The following UBN1 variants were observed in gnomAD, a reference collection of about 807,000 sequenced individuals.
UBN1 encodes ubinuclein 1, also known as ubinuclein-1.
In UBN1, 17 loss-of-function variants were observed where a neutral mutation model predicts 108.5. That is an observed-to-expected ratio of 0.16 (90% CI 0.11 to 0.24). UBN1 has a LOEUF of 0.24. Ranked by LOEUF, UBN1 falls within the 10% of genes least tolerant of loss-of-function variation. The probability of loss-of-function intolerance (pLI) is 1.00; values close to 1 mark genes in which losing one functional copy is unlikely to be tolerated. For missense variants in UBN1, 1,595 were observed against 1,394.4 expected, an observed-to-expected ratio of 1.14 and a Z score of -2.29; for synonymous variants, 726 against 564.2, an observed-to-expected ratio of 1.29 and a Z score of -4.07.
intron 1 of UBN1, among the ~76,000 whole-genome samples, chr16:4,851,614 C>T (rs1392897250): frequency 1.3e-5 from 2 of 151,940 alleles, no homozygotes; most frequent in Non-Finnish European, 2.9e-5. Context: ...AGGTTGTGAG[C>T]TTAAGACCAG....
Position 4,877,812 on chromosome 16 carries a change from AAGG to A in UBN1, c.3355+339_3355+341del. 1 of 1,040,318 alleles carries A rather than the reference AAGG, an allele frequency of 9.6e-7. No individual in the cohort carries two copies. 64.4% of individuals were successfully genotyped at this position (1,040,318 alleles called of 1,614,324 possible). On this transcript the variant is annotated intron_variant, in intron 17 of 17. Coordinates refer to ENST00000262376, the MANE Select transcript of UBN1 (RefSeq NM_001079514.3). This position sits in a 1 kb window ranked among gnomAD's most constrained non-coding sequence, Gnocchi z 4.3. ...TCTCTTCAGTTTAAAAAAAAAAAAA[AAGG>A]GAAGGTAATGGTGCATCTTCTCCAA...
In UBN1 at chr16:4,879,197, T is replaced by C. The variant is rs563809225; in HGVS notation, c.3356-886T>C. Among the ~76,000 whole-genome samples the C allele has an allele frequency of 3.9e-4, 60 of 152,294 alleles. 1 individual carries two copies. Among genetic ancestry groups the C allele is most frequent in the African/African-American group, 1.3e-3 (56 of 41,556 alleles). ...AGGAGATGAAAAACGTTTGAGATGA[T>C]GGATATGCTAATAACTCTAACGTGA... is the stretch of plus-strand genomic sequence containing the variant. On this transcript the variant is annotated intron_variant, in intron 17 of 17. Coordinates refer to ENST00000262376, the MANE Select transcript of UBN1 (RefSeq NM_001079514.3).
intron 7 of UBN1, among the ~76,000 whole-genome samples, 169 bp from the exon 8 acceptor site, chr16:4,868,664 A>G (rs2087454075): frequency 1.3e-5 from 2 of 152,218 alleles, no homozygotes; most frequent in African/African-American, 4.8e-5. Flanking sequence ...AAAAGAGAAT[A>G]TTGATCGCAG....
In UBN1 at chr16:4,877,392, G is replaced by T; in HGVS notation, c.3273G>T (p.Leu1091=). 6.2e-7 allele frequency: 1 copy of T among 1,610,980 alleles called. No individual in the cohort carries two copies. The highest frequency in any genetic ancestry group is 8.5e-7 in the Non-Finnish European group (1 of 1,178,364). ...SFHHGLGHSL[L]AGLHSSPPHA... ...CCTCCTGTTTTCTCTCAGGTCTTCTGGCTGGCTTGCACTCCAGCCCGCCCC... is the reference window on the plus strand; with the variant it reads ...CCTCCTGTTTTCTCTCAGGTCTTCTTGCTGGCTTGCACTCCAGCCCGCCCC... Residue 1091 remains leucine (L), a synonymous_variant, in exon 17 of 18, where the codon CTG becomes CTT. Coordinates refer to ENST00000262376, the MANE Select transcript of UBN1 (RefSeq NM_001079514.3). The surrounding 1 kb of genome is among the most constrained non-coding windows in gnomAD (Gnocchi z 4.3).
intron 1 of UBN1, among the ~76,000 whole-genome samples, chr16:4,851,902 A>T (rs569176717): frequency 6.6e-6 from 1 of 152,348 alleles, no homozygotes; most frequent in Admixed American, 6.5e-5. Context: ...CAAAACAAGA[A>T]GAAGTACTTA....
At chr16:4,858,953 C>T in intron 4 of UBN1, 72 bp from the exon 5 acceptor site, 4 of 1,568,582 alleles carry the variant, frequency 2.6e-6, no homozygotes, top group South Asian at 1.2e-5. Context: ...TCACATCTCT[C>T]TCGAGACCCA....
Position 4,858,576 on chromosome 16 carries a change from G to A in UBN1, c.345G>A (p.Lys115=), listed in dbSNP as rs990169752. Residue 115 remains lysine (K), a synonymous_variant, in exon 4 of 18, where the codon AAG becomes AAA. Coordinates refer to ENST00000262376, the MANE Select transcript of UBN1 (RefSeq NM_001079514.3). ...TTGCTTTCACATTTTAGGGTGGAAA[G>A]AAACGTAGAAAAGACCGAATACAGG... ...ARKFEEKYGG[K]KRRKDRIQDL... 1.9e-6 allele frequency: 3 copies of A among 1,613,972 alleles called. No homozygotes were observed. In the African/African-American group the frequency reaches 4.0e-5, roughly 22 times the overall value.
At chr16:4,859,259 A>G (rs2086944937) in intron 5 of UBN1, 100 bp downstream of exon 5, 9 of 1,503,576 alleles carry the variant, frequency 6.0e-6, no homozygotes, top group Non-Finnish European at 1.8e-6. Flanking sequence ...TGGCCGGCTC[A>G]GGAGGATGGT....
chr16:4,870,826 A>G lies in UBN1; in HGVS notation c.1431-18A>G. 3.1e-6 allele frequency: 5 copies of G among 1,613,318 alleles called. No homozygotes were observed. Among genetic ancestry groups the G allele is most frequent in the Non-Finnish European group, 3.4e-6 (4 of 1,179,648 alleles). On this transcript the variant is annotated intron_variant, in intron 10 of 17. Coordinates refer to ENST00000262376, the MANE Select transcript of UBN1 (RefSeq NM_001079514.3). ...CAGGAGCACCTTGGGGCCCCATGTA[A>G]TTCTATTCACCCCGTAGGATGCTGG...
rs1425148703 is a variant in UBN1 at position 4,874,739 on chromosome 16, C to T, written c.2329C>T (p.His777Tyr). Residue 777 changes from histidine (H) to tyrosine (Y), a missense_variant, in exon 15 of 18, where the codon CAT becomes TAT. His to Tyr is a moderately conservative substitution (Grantham distance 83). Coordinates refer to ENST00000262376, the MANE Select transcript of UBN1 (RefSeq NM_001079514.3). ...APLNKGLPEVHQSKAKHHSLP... is the reference protein window; with the variant it reads ...APLNKGLPEVYQSKAKHHSLP... The stretch of plus-strand genomic sequence containing the variant: ...CCTCAATAAGGGCCTGCCAGAAGTA[C>T]ATCAGTCCAAAGCTAAGCACCACAG... The T allele has an allele frequency of 2.5e-6, 4 of 1,614,086 alleles. No individual in the cohort carries two copies. The highest frequency in any genetic ancestry group is 3.4e-6 in the Non-Finnish European group (4 of 1,180,024).
rs545870732 is a variant in UBN1 at position 4,858,958 on chromosome 16, G to A, written c.433-67G>A. On this transcript the variant is annotated intron_variant, in intron 4 of 17. Transcript: ENST00000262376. ...AGGAGCACAGTCACATCTCTCTCGA[G>A]ACCCACTTTGCACCTTCGGACTGCA... The A allele has an allele frequency of 5.7e-6, 9 of 1,577,730 alleles. No homozygotes were observed. In the African/African-American group the frequency reaches 1.2e-4, roughly 21 times the overall value.
rs2088084080 is a variant in UBN1 at position 4,881,846 on chromosome 16, C to T, written c.*1714C>T. On this transcript the variant is annotated 3_prime_UTR_variant, in exon 18 of 18. Coordinates refer to ENST00000262376, the MANE Select transcript of UBN1 (RefSeq NM_001079514.3). ...AGATTTGTATTGCTGAGCTCAAAGC[C>T]AAGCAGAGGCCGGCAGTGGAGGCTG... 6.6e-6 allele frequency: 1 copy of T among 152,206 alleles called. No individual in the cohort carries two copies. Among genetic ancestry groups the T allele is most frequent in the African/African-American group, 2.4e-5 (1 of 41,288 alleles). The allele number at this position is 152,206 out of a possible 1,614,324, so 9.4% of individuals were successfully genotyped here.
In UBN1 at chr16:4,877,011, G is replaced by A; in HGVS notation, c.3165G>A (p.Val1055=). The change falls in exon 16 of 18, where the codon GTG becomes GTA. Residue 1055 remains valine, a synonymous_variant. Transcript: ENST00000262376. The surrounding 1 kb of genome is among the most constrained non-coding windows in gnomAD (Gnocchi z 4.3). ...CCCCTGTCCCTATTCCTGTCCATGTGCTCTCCTTCAGCGCTGACTCCTCTG... is the reference window on the plus strand; with the variant it reads ...CCCCTGTCCCTATTCCTGTCCATGTACTCTCCTTCAGCGCTGACTCCTCTG... ...IITPVPIPVH[V]LSFSADSSAK... 6.2e-7 allele frequency: 1 copy of A among 1,614,192 alleles called. No homozygotes were observed. Among genetic ancestry groups the A allele is most frequent in the Non-Finnish European group, 8.5e-7 (1 of 1,180,026 alleles).
rs1336991423 is a variant in UBN1, at chr16:4,847,492, C to T, written c.-758C>T. On this transcript the variant is annotated 5_prime_UTR_variant, in exon 1 of 18. Transcript: ENST00000262376. Reference sequence around the variant, plus strand: ...GCGCAGAGACTCCCGGCTCCTTCCCCCTCCCTTCGGCTCGTGACAACGAAG... The same window carrying T: ...GCGCAGAGACTCCCGGCTCCTTCCCTCTCCCTTCGGCTCGTGACAACGAAG... 6 of 573,684 alleles carry T rather than the reference C, an allele frequency of 1.0e-5. No homozygotes were observed. The East Asian group carries it at 1.8e-4, about 17-fold the overall frequency. The allele number at this position is 573,684 out of a possible 1,614,324, so 35.5% of individuals were successfully genotyped here.
chr16:4,867,492 A>T (rs139487251), intron 7 of UBN1, among the ~76,000 whole-genome samples: 527 of 152,314 alleles, frequency 3.5e-3, no homozygotes, highest in African/African-American at 0.012. Flanking sequence ...CCCTGCCTAT[A>T]CCAGGCGTTG....
In UBN1 at chr16:4,875,097, G is replaced by T. The variant is rs753440193; in HGVS notation, c.2687G>T (p.Gly896Val). Residue 896 changes from glycine (G) to valine (V), a missense_variant, in exon 15 of 18, where the codon GGC (glycine) becomes GTC (valine). Physicochemically the swap from Gly to Val is moderately radical, Grantham distance 109. This residue lies in a region of UBN1 where 1,398 missense variants were observed against 1,194.7 expected (regional missense o/e 1.17). Transcript: ENST00000262376. ...PAKPHSVSSA[G>V]SSYKNNPFAS... Reference sequence around the variant, plus strand: ...AAGCCACATTCAGTCAGCTCTGCAGGCTCATCTTACAAGAATAATCCCTTT... The same window carrying T: ...AAGCCACATTCAGTCAGCTCTGCAGTCTCATCTTACAAGAATAATCCCTTT... The T allele has an allele frequency of 9.3e-6, 15 of 1,613,966 alleles. No homozygotes were observed. In the African/African-American group the frequency reaches 1.3e-4, roughly 14 times the overall value.
At chr16:4,866,496 A>C (rs4502217) in intron 7 of UBN1, among the ~76,000 whole-genome samples, 6,690 of 152,080 alleles carry the variant, frequency 0.044, 496 homozygotes, top group African/African-American at 0.15. Flanking sequence ...GATGAATAAG[A>C]CTCAGTTCTA....
At chr16:4,867,778 G>A (rs76280410) in intron 7 of UBN1, among the ~76,000 whole-genome samples, 2 of 152,084 alleles carry the variant, frequency 1.3e-5, no homozygotes, top group Non-Finnish European at 2.9e-5. Flanking sequence ...GGAGATGATG[G>A]TGAGGGGTTA....
At chr16:4,873,105 T>C (rs1037613176) in intron 14 of UBN1, 32 bp downstream of exon 14, 1 of 1,613,828 alleles carries the variant, frequency 6.2e-7, no homozygotes, top group Admixed American at 1.7e-5. Flanking sequence ...ACATGTCAGC[T>C]ATGCCCATCT....
Sources: allele counts gnomAD v4.1 joint callset (sites outside exome capture counted in the v4.1 genomes callset), GRCh38; gene constraint gnomAD v4.1.1; regional missense constraint gnomAD v4.1.1; non-coding constraint Gnocchi (gnomAD v3.1); transcripts MANE v1.5; gene names NCBI Gene and HGNC (gene_info 2026-07-23, HGNC 2026-07-21).